The following MBD5 variants were observed in gnomAD, a reference collection of about 807,000 sequenced individuals.
The protein encoded by MBD5 is methyl-CpG binding domain protein 5, also known as methyl-CpG-binding domain protein 5.
A neutral mutation model predicts 117.3 loss-of-function variants in MBD5; 13 were observed. The observed-to-expected ratio is 0.11, with a 90% confidence interval of 0.07 to 0.18. The LOEUF (loss-of-function observed/expected upper bound fraction) is 0.18, where lower values mean the gene tolerates loss of function less well. MBD5 is among the 10% of genes least tolerant of loss of function. MBD5 has a pLI of 1.00. For synonymous variants in MBD5, 727 were observed against 766.4 expected (o/e 0.95, Z 0.85); for missense variants, 1,879 against 2,093.8 (o/e 0.90, Z 2.00).
At chr2:148,321,242 A>G (rs1453391177) in intron 3 of MBD5, among the ~76,000 whole-genome samples, 1 of 152,222 alleles carries the variant, frequency 6.6e-6, no homozygotes, top group Non-Finnish European at 1.5e-5. Context: ...TCCCTGGATC[A>G]CATTGGAAGA....
At chr2:148,145,845 T>C (rs1697445009) in intron 1 of MBD5, among the ~76,000 whole-genome samples, 1 of 152,210 alleles carries the variant, frequency 6.6e-6, no homozygotes, top group Non-Finnish European at 1.5e-5. Context: ...CTGGATTCGG[T>C]TTGCCAGTAT....
chr2:148,294,276 G>A (rs1701579569), intron 3 of MBD5, among the ~76,000 whole-genome samples: 2 of 143,506 alleles, frequency 1.4e-5, no homozygotes, highest in Non-Finnish European at 3.0e-5. Context: ...TCAGGCTGGA[G>A]TGCAGTGGCG....
At chr2:148,292,604 C>T (rs1377481606) in intron 3 of MBD5, among the ~76,000 whole-genome samples, 1 of 152,162 alleles carries the variant, frequency 6.6e-6, no homozygotes, top group Admixed American at 6.5e-5. Context: ...AGGGAACCCT[C>T]CTACAATGTT....
intron 8 of MBD5, chr2:148,470,802 T>C: frequency 3.4e-6 from 1 of 290,664 alleles, no homozygotes; most frequent in Non-Finnish European, 6.3e-6. Flanking sequence ...ATGTCCTTGG[T>C]CTATGCCAAT....
chr2:148,365,689 A>G (rs1486061045), intron 4 of MBD5, among the ~76,000 whole-genome samples: 4 of 152,210 alleles, frequency 2.6e-5, no homozygotes, highest in Admixed American at 6.5e-5. Flanking sequence ...ATCAGATAAT[A>G]CTATAAACCC....
At chr2:148,471,640 T>G (rs1189826015) in intron 8 of MBD5, 2 of 152,142 alleles carry the variant, frequency 1.3e-5, no homozygotes, top group African/African-American at 4.8e-5. Flanking sequence ...CCTGCCATCC[T>G]TCACATCTTG....
At position 148,280,131 on chromosome 2, in the gene MBD5, CAAAAA is replaced by C. The variant is rs3076398; in HGVS notation, c.-680+46751_-680+46755del. ...TTTCTATTCTTTTAAAAACTAACTG[CAAAAA>C]AAAAAAAAAAAAAACAAAAAGAAAA... On this transcript the variant is annotated intron_variant, in intron 3 of 13. Transcript: ENST00000642680. 2.2e-4 allele frequency among the ~76,000 whole-genome samples: 20 copies of C among 91,892 alleles called. No individual in the cohort carries two copies. In the South Asian group the frequency reaches 2.2e-3, roughly 10 times the overall value. 60.3% of individuals were successfully genotyped at this position (91,892 alleles called of 152,430 possible).
intron 4 of MBD5, among the ~76,000 whole-genome samples, chr2:148,406,000 T>C (rs561328365): frequency 3.5e-4 from 54 of 152,186 alleles, no homozygotes; most frequent in Non-Finnish European, 2.2e-4. Context: ...GCTGGTTATA[T>C]ACTAAGTTGA....
At chr2:148,159,696 G>A (rs1574080748) in intron 1 of MBD5, among the ~76,000 whole-genome samples, 3 of 152,178 alleles carry the variant, frequency 2.0e-5, no homozygotes, top group East Asian at 3.9e-4. Context: ...GTCTGAATTG[G>A]CAAATAACTC....
intron 1 of MBD5, among the ~76,000 whole-genome samples, chr2:148,150,233 C>G (rs1697610810): frequency 1.3e-5 from 2 of 148,752 alleles, no homozygotes; most frequent in South Asian, 2.2e-4. Context: ...TCAGGTTTGT[C>G]AAAGATCAGA....
intron 12 of MBD5, among the ~76,000 whole-genome samples, chr2:148,507,929 CTAAGA>C (rs1439626856): frequency 1.3e-5 from 2 of 151,932 alleles, no homozygotes; most frequent in African/African-American, 4.8e-5. Context: ...TTTTAAACTC[CTAAGA>C]TATTTTAATC....
At chr2:148,253,120 A>G (rs1249661916) in intron 3 of MBD5, among the ~76,000 whole-genome samples, 1 of 152,106 alleles carries the variant, frequency 6.6e-6, no homozygotes, top group East Asian at 1.9e-4. Context: ...GATTCACCTA[A>G]TGGCCTGGTA....
At chr2:148,420,974 C>G (rs886421915) in intron 4 of MBD5, among the ~76,000 whole-genome samples, 3 of 152,180 alleles carry the variant, frequency 2.0e-5, no homozygotes, top group Admixed American at 2.0e-4. Flanking sequence ...AGTGATCCAC[C>G]TGTCTTGGCC....
chr2:148,029,288 A>G (rs979963440), intron 1 of MBD5, among the ~76,000 whole-genome samples: 5 of 152,070 alleles, frequency 3.3e-5, no homozygotes, highest in Non-Finnish European at 1.5e-5. Context: ...AATAAAACCT[A>G]ACAGCATATA....
At chr2:148,359,978 A>G (rs1320543490) in intron 4 of MBD5, among the ~76,000 whole-genome samples, 4 of 151,982 alleles carry the variant, frequency 2.6e-5, no homozygotes. Flanking sequence ...TTCACATAAA[A>G]ACTTGGAAAA....
At chr2:148,120,409 T>C (rs1254186566) in intron 1 of MBD5, among the ~76,000 whole-genome samples, 1 of 152,214 alleles carries the variant, frequency 6.6e-6, no homozygotes, top group Non-Finnish European at 1.5e-5. Flanking sequence ...CAATATTAAG[T>C]CTTCTAATTC....
intron 4 of MBD5, among the ~76,000 whole-genome samples, chr2:148,358,644 T>C (rs1040155993): frequency 7.3e-6 from 1 of 136,076 alleles, no homozygotes; most frequent in Admixed American, 7.4e-5. Context: ...AAAAGCTGGG[T>C]GTGGTGGTAC....
chr2:148,171,538 T>A (rs1378981289), intron 1 of MBD5, among the ~76,000 whole-genome samples: 1 of 152,164 alleles, frequency 6.6e-6, no homozygotes, highest in East Asian at 1.9e-4. Flanking sequence ...AGCTGAAAAC[T>A]TTCCCTCTAA....
chr2:148,218,273 A>G (rs923815892), intron 2 of MBD5, among the ~76,000 whole-genome samples: 1 of 152,070 alleles, frequency 6.6e-6, no homozygotes, highest in Admixed American at 6.5e-5. Context: ...TTCATATCAC[A>G]TATCTCTCAT....
Sources: gnomAD v4.1 joint callset for allele counts (sites outside exome capture counted in the v4.1 genomes callset) on GRCh38, gnomAD v4.1.1 for gene constraint, MANE v1.5 for transcripts, NCBI Gene and HGNC (gene_info 2026-07-23, HGNC 2026-07-21) for gene names.